The following NTN1 variants were observed in gnomAD, a reference collection of about 807,000 sequenced individuals.
NTN1 encodes netrin-1.
NTN1 carries 11 observed loss-of-function variants against 54.2 expected under a neutral mutation model. The ratio of observed to expected loss-of-function variants is 0.20; its 90% confidence interval spans 0.13 to 0.34. The LOEUF is 0.34. Among genes scored for constraint, NTN1 ranks in the 10% least tolerant of loss-of-function variants. The pLI is 1.00. For synonymous variants in NTN1, 371 were observed against 382.0 expected, an observed-to-expected ratio of 0.97 and a Z score of 0.33; for missense variants, 740 against 893.1, an observed-to-expected ratio of 0.83 and a Z score of 2.18.
At chr17:9,058,376 C>T (rs149461363) in intron 2 of NTN1, among the ~76,000 whole-genome samples, 1 of 152,070 alleles carries the variant, frequency 6.6e-6, no homozygotes, top group Non-Finnish European at 1.5e-5. Flanking sequence ...ATCATCTAGG[C>T]CTTTCTTATT....
intron 2 of NTN1, among the ~76,000 whole-genome samples, chr17:9,090,560 T>G (rs2092106767): frequency 6.6e-6 from 1 of 151,940 alleles, no homozygotes; most frequent in Non-Finnish European, 1.5e-5. Context: ...TTCTGGTCAT[T>G]TAGGAGCAGA....
intron 2 of NTN1, among the ~76,000 whole-genome samples, chr17:9,158,227 T>C (rs1348589755): frequency 6.6e-6 from 1 of 152,180 alleles, no homozygotes; most frequent in Admixed American, 6.5e-5. Flanking sequence ...ACCAGTTGTT[T>C]AGGAAGAACC....
chr17:9,011,107 G>C, the NTN1 span, among the ~76,000 whole-genome samples: 73 of 152,258 alleles, frequency 4.8e-4, no homozygotes, highest in African/African-American at 1.6e-3. Context: ...AGAATCTAAC[G>C]CAGCTGAAGA....
chr17:9,234,865 C>T (rs1905928153), intron 6 of NTN1, among the ~76,000 whole-genome samples: 1 of 152,180 alleles, frequency 6.6e-6, no homozygotes, highest in African/African-American at 2.4e-5. Context: ...CTTGTGTCCA[C>T]TTCAGAGAAT....
intron 2 of NTN1, among the ~76,000 whole-genome samples, chr17:9,149,049 T>C (rs2092320749): frequency 6.6e-6 from 1 of 151,978 alleles, no homozygotes; most frequent in Non-Finnish European, 1.5e-5. Context: ...CACCAGCCTC[T>C]CCCACTGCCC....
rs985645318 is a variant in NTN1 at position 9,055,646 on chromosome 17, A to G, written c.1018+32255A>G. Among the ~76,000 whole-genome samples the G allele has an allele frequency of 8.3e-4, 127 of 152,182 alleles. 1 individual carries two copies. Among genetic ancestry groups the G allele is most frequent in the Admixed American group, 8.5e-4 (13 of 15,284 alleles). On this transcript the variant is annotated intron_variant, in intron 2 of 6. Transcript: ENST00000173229. ...AGCAACAGAGCAAAGGCCAGTGTGG[A>G]GGAAGGTGGGAAGAGGAGAGGAAGG...
At chr17:9,063,595 C>T (rs934329228) in intron 2 of NTN1, among the ~76,000 whole-genome samples, 17 of 150,764 alleles carry the variant, frequency 1.1e-4, no homozygotes, top group East Asian at 4.0e-4. Context: ...TCTCCCAGGC[C>T]GGAGTGCAGT....
At chr17:9,137,477 G>GGGC (rs1397481575) in intron 2 of NTN1, among the ~76,000 whole-genome samples, 1 of 152,164 alleles carries the variant, frequency 6.6e-6, no homozygotes, top group Non-Finnish European at 1.5e-5. Flanking sequence ...CCGTGGAGGG[G>GGGC]GGCATGTGTC....
intron 2 of NTN1, among the ~76,000 whole-genome samples, chr17:9,071,555 C>G (rs1444342370): frequency 6.6e-6 from 1 of 152,170 alleles, no homozygotes; most frequent in East Asian, 1.9e-4. Flanking sequence ...TTTCTAAGCC[C>G]TAGGCTGTCA....
At chr17:9,218,708 C>T (rs751026448) in intron 5 of NTN1, among the ~76,000 whole-genome samples, 2 of 152,176 alleles carry the variant, frequency 1.3e-5, no homozygotes, top group Non-Finnish European at 2.9e-5. Context: ...GCTCTCAGTT[C>T]TAAGCTAGGC....
upstream of NTN1, among the ~76,000 whole-genome samples, chr17:9,021,166 C>T (rs547917452): frequency 3.3e-5 from 5 of 152,132 alleles, no homozygotes; most frequent in South Asian, 1.0e-3. Context: ...GCGCGCTCCC[C>T]CGGGCGTGAG....
intron 2 of NTN1, among the ~76,000 whole-genome samples, chr17:9,141,706 TGAGA>T (rs555655165): frequency 3.3e-5 from 5 of 151,842 alleles, no homozygotes; most frequent in Non-Finnish European, 7.4e-5. Flanking sequence ...GCTGTGTGTG[TGAGA>T]GAGAAGGGAA....
At chr17:9,152,498 T>A (rs1220929761) in intron 2 of NTN1, among the ~76,000 whole-genome samples, 1 of 152,000 alleles carries the variant, frequency 6.6e-6, no homozygotes, top group African/African-American at 2.4e-5. Flanking sequence ...GCCTGCAGGG[T>A]CATCCCGCCA....
At chr17:9,176,955 T>A (rs1472869870) in intron 3 of NTN1, 2 of 151,794 alleles carry the variant, frequency 1.3e-5, no homozygotes, top group Non-Finnish European at 2.9e-5. Flanking sequence ...TATGAGAGAG[T>A]GTGGATGTGC....
chr17:9,119,113 T>A (rs944240754), intron 2 of NTN1, among the ~76,000 whole-genome samples: 10 of 152,250 alleles, frequency 6.6e-5, no homozygotes, highest in Non-Finnish European at 1.5e-4. Context: ...CAGCAATGTA[T>A]GCGGGTTCTG....
intron 5 of NTN1, among the ~76,000 whole-genome samples, chr17:9,195,641 A>G (rs1904611824): frequency 6.6e-6 from 1 of 152,148 alleles, no homozygotes; most frequent in African/African-American, 2.4e-5. Context: ...CCCCTTGCAG[A>G]TTCCTGTACA....
In NTN1 at chr17:9,239,860, C is replaced by T; in HGVS notation, c.1707C>T (p.Gly569=). 6.2e-7 allele frequency: 1 copy of T among 1,612,440 alleles called. No individual in the cohort carries two copies. The highest frequency in any genetic ancestry group is 8.5e-7 in the Non-Finnish European group (1 of 1,179,702). ...GNAEDSPDQS[G]IVADKSSLVI... ...CGGAGGACTCTCCGGACCAGAGCGG[C>T]ATCGTGGCCGATAAAAGCAGCCTGG... Residue 569 remains glycine (G), a synonymous_variant, in exon 7 of 7, where the codon GGC becomes GGT. Coordinates refer to ENST00000173229, the MANE Select transcript of NTN1 (RefSeq NM_004822.3). The surrounding 1 kb of genome is among the most constrained non-coding windows in gnomAD (Gnocchi z 5.2).
At chr17:9,036,482 A>C (rs377520572) in intron 2 of NTN1, among the ~76,000 whole-genome samples, 19 of 143,324 alleles carry the variant, frequency 1.3e-4, no homozygotes, top group African/African-American at 4.9e-4. Context: ...TGCAGCCTTG[A>C]ACTTCTGGGT....
chr17:9,059,371 C>T (rs1302870815), intron 2 of NTN1, among the ~76,000 whole-genome samples: 1 of 152,166 alleles, frequency 6.6e-6, no homozygotes. Context: ...TATATGAATG[C>T]TCATGGCAAC....
Sources: gnomAD v4.1 joint callset for allele counts (sites outside exome capture counted in the v4.1 genomes callset) on GRCh38, gnomAD v4.1.1 for gene constraint, Gnocchi (gnomAD v3.1) non-coding constraint, MANE v1.5 for transcripts, NCBI Gene and HGNC (gene_info 2026-07-23, HGNC 2026-07-21) for gene names.